NF1: variants seen among roughly 807,000 people sequenced by gnomAD.
NF1 encodes the protein neurofibromin 1, also known as neurofibromin.
A neutral mutation model predicts 325.7 loss-of-function variants in NF1; 122 were observed. That is an observed-to-expected ratio of 0.37 (90% confidence interval 0.32 to 0.44). The LOEUF is 0.44. NF1 is among the 20% of genes least tolerant of loss of function. NF1 has a pLI of 1.00. For synonymous variants in NF1, 1,091 were observed against 1,186.0 expected (o/e 0.92, Z 1.65); for missense variants, 2,140 against 3,415.4 (o/e 0.63, Z 9.31).
At chr17:31,135,369 A>G (rs533924957) in intron 1 of NF1, among the ~76,000 whole-genome samples, 6 of 152,054 alleles carry the variant, frequency 3.9e-5, no homozygotes, top group African/African-American at 1.2e-4. Context: ...TATTTGCCTG[A>G]TAGATCTTTT....
intron 1 of NF1, among the ~76,000 whole-genome samples, chr17:31,097,082 T>C (rs975544380): frequency 1.3e-5 from 2 of 152,146 alleles, no homozygotes; most frequent in Non-Finnish European, 1.5e-5. Flanking sequence ...TTTTTTTCAG[T>C]TTTTTCTTAA....
chr17:31,292,994 A>C (rs988236036), intron 36 of NF1, among the ~76,000 whole-genome samples: 1 of 151,904 alleles, frequency 6.6e-6, no homozygotes, highest in Non-Finnish European at 1.5e-5. Flanking sequence ...CCTGGCCAAC[A>C]TGATGAAGCC....
intron 29 of NF1, among the ~76,000 whole-genome samples, chr17:31,239,656 G>A (rs146670242): frequency 1.4e-5 from 2 of 146,918 alleles, no homozygotes; most frequent in African/African-American, 5.5e-5. Flanking sequence ...TGGGTACATA[G>A]TAGGTGTTTA....
chr17:31,289,878 T>C (rs1201158161), intron 36 of NF1, among the ~76,000 whole-genome samples: 1 of 152,138 alleles, frequency 6.6e-6, no homozygotes, highest in Non-Finnish European at 1.5e-5. Flanking sequence ...TATGTGAACA[T>C]GGCCATTTCA....
At chr17:31,307,601 C>G (rs1371914469) in intron 36 of NF1, among the ~76,000 whole-genome samples, 1 of 152,168 alleles carries the variant, frequency 6.6e-6, no homozygotes, top group Non-Finnish European at 1.5e-5. Flanking sequence ...ACCTGTCTAA[C>G]CATGAGAACT....
intron 14 of NF1, among the ~76,000 whole-genome samples, chr17:31,221,243 G>C (rs1426124831): frequency 6.6e-6 from 1 of 151,948 alleles, no homozygotes; most frequent in Non-Finnish European, 1.5e-5. Flanking sequence ...TATTGTAAAT[G>C]AATTATTTAA....
rs114872591 is a variant in NF1, at chr17:31,102,155, A to G, written c.60+6786A>G. ...ATTAGCATAAAGAAGGAATTTATAC[A>G]TATTTATATTTCCTCCCATAGAGCA... is the stretch of plus-strand genomic sequence containing the variant. On this transcript the variant is annotated intron_variant, in intron 1 of 57. Coordinates refer to ENST00000358273, the MANE Select transcript of NF1 (RefSeq NM_001042492.3). Among the ~76,000 whole-genome samples, 542 of 152,340 alleles carry G rather than the reference A, an allele frequency of 3.6e-3. 6 individuals carry two copies. The highest frequency in any genetic ancestry group is 0.012 in the African/African-American group (515 of 41,578).
intron 36 of NF1, chr17:31,318,684 A>C: frequency 6.2e-7 from 1 of 1,614,110 alleles, no homozygotes; most frequent in East Asian, 2.2e-5. Context: ...TTGTGTTTTC[A>C]ATGCTCTGTA....
chr17:31,311,477 G>A (rs2068874221), intron 36 of NF1, among the ~76,000 whole-genome samples: 1 of 152,110 alleles, frequency 6.6e-6, no homozygotes, highest in Admixed American at 6.6e-5. Flanking sequence ...TTTAGCAGTA[G>A]TATTATCTCT....
chr17:31,306,876 G>A (rs938659143), intron 36 of NF1, among the ~76,000 whole-genome samples: 8 of 151,926 alleles, frequency 5.3e-5, no homozygotes, highest in East Asian at 1.9e-4. Flanking sequence ...AAGGCCAGGC[G>A]TAGTGGCTCA....
rs2151538420 is a variant in NF1, at chr17:31,326,070, C to A, written c.5086C>A (p.Leu1696Met). ...GGAGTACACCAAGTATCATGAGCGG[C>A]TGCTGACTGGCCTCAAAGGTAGCAA... is the stretch of plus-strand genomic sequence containing the variant. Reference protein sequence around the residue: ...VREYTKYHERLLTGLKGSKRL... With the variant: ...VREYTKYHERMLTGLKGSKRL... Residue 1696 changes from leucine (L) to methionine (M), a missense_variant, in exon 37 of 58, where the codon CTG (leucine) becomes ATG (methionine). Coordinates refer to ENST00000358273, the MANE Select transcript of NF1 (RefSeq NM_001042492.3). 1 of 1,614,084 alleles carries A rather than the reference C, an allele frequency of 6.2e-7. No homozygotes were observed. The highest frequency in any genetic ancestry group is 8.5e-7 in the Non-Finnish European group (1 of 1,179,938).
intron 36 of NF1, among the ~76,000 whole-genome samples, chr17:31,315,933 ATTG>A (rs951829532): frequency 1.3e-5 from 2 of 152,032 alleles, no homozygotes; most frequent in Non-Finnish European, 2.9e-5. Context: ...TTTTGGAAGT[ATTG>A]TTGTTTTTAC....
At chr17:31,188,532 T>A (rs1342979466) in intron 8 of NF1, among the ~76,000 whole-genome samples, 1 of 152,190 alleles carries the variant, frequency 6.6e-6, no homozygotes, top group East Asian at 1.9e-4. Flanking sequence ...TTATGTATGA[T>A]CTCAGGAGAT....
Position 31,337,578 on chromosome 17 carries a change from T to A in NF1, c.6638T>A (p.Met2213Lys). 1 of 1,613,946 alleles carries A rather than the reference T, an allele frequency of 6.2e-7. No individual in the cohort carries two copies. The highest frequency in any genetic ancestry group is 8.5e-7 in the Non-Finnish European group (1 of 1,179,866). ...GTCACAGAAGCTTTGTTGGAGATCA[T>A]GGAGGTATAGAAGCCAAAATGATAA... ...ETVTEALLEI[M>K]EACMRDIPTC... is the part of the protein sequence containing the mutation. The change falls in exon 43 of 58, where the codon ATG (methionine) becomes AAG (lysine). Residue 2213 changes from methionine to lysine, a missense_variant. Physicochemically the swap from Met to Lys is moderately conservative, Grantham distance 95. This residue lies in a region of NF1 where 522 missense variants were observed against 749.0 expected (regional missense o/e 0.70). Coordinates refer to ENST00000358273, the MANE Select transcript of NF1 (RefSeq NM_001042492.3).
intron 1 of NF1, among the ~76,000 whole-genome samples, chr17:31,146,462 A>G (rs1251622764): frequency 1.0e-4 from 15 of 147,004 alleles, no homozygotes; most frequent in African/African-American, 5.1e-5. Context: ...CATCCATCCA[A>G]TCTGTATATC....
intron 1 of NF1, among the ~76,000 whole-genome samples, chr17:31,102,122 G>T (rs1288006119): frequency 6.6e-6 from 1 of 152,152 alleles, no homozygotes; most frequent in Non-Finnish European, 1.5e-5. Context: ...CTAGGAATGA[G>T]TAAGAAAATT....
At chr17:31,136,084 CT>C (rs1240384962) in intron 1 of NF1, among the ~76,000 whole-genome samples, 2 of 151,994 alleles carry the variant, frequency 1.3e-5, no homozygotes, top group Non-Finnish European at 2.9e-5. Flanking sequence ...AATCCGAACA[CT>C]TTGGGAGGCC....
chr17:31,192,119 A>C (rs1382671227), intron 8 of NF1, among the ~76,000 whole-genome samples: 1 of 152,254 alleles, frequency 6.6e-6, no homozygotes, highest in Non-Finnish European at 1.5e-5. Flanking sequence ...ACAGTTTCCC[A>C]TACTGCTATT....
At chr17:31,298,819 C>T (rs147218755) in intron 36 of NF1, among the ~76,000 whole-genome samples, 3 of 152,224 alleles carry the variant, frequency 2.0e-5, no homozygotes, top group African/African-American at 7.2e-5. Context: ...CTCATATATA[C>T]ACTGCTGCAC....
Sources: gnomAD v4.1 joint callset for allele counts (sites outside exome capture counted in the v4.1 genomes callset) on GRCh38, gnomAD v4.1.1 for gene constraint, gnomAD v4.1.1 regional missense constraint, MANE v1.5 for transcripts, NCBI Gene and HGNC (gene_info 2026-07-23, HGNC 2026-07-21) for gene names.